FIRRM: variants seen among roughly 807,000 people sequenced by gnomAD.
FIRRM encodes FIGNL1 interacting regulator of recombination and mitosis, also known as FIGNL1-interacting regulator of recombination and mitosis.
At chr1:169,831,469 G>A in the FIRRM span, among the ~76,000 whole-genome samples, 3 of 152,256 alleles carry the variant, frequency 2.0e-5, no homozygotes, top group East Asian at 5.8e-4. Context: ...AGTGAGGTGT[G>A]TAATAACCTG....
the FIRRM span, chr1:169,794,712 G>T: frequency 4.4e-4 from 73 of 167,460 alleles, no homozygotes; most frequent in Non-Finnish European, 7.3e-4. Flanking sequence ...GCAAGGCTTG[G>T]AGTCACTTCC....
chr1:169,805,336 C>T, the FIRRM span, among the ~76,000 whole-genome samples: 2 of 152,224 alleles, frequency 1.3e-5, no homozygotes, highest in Non-Finnish European at 2.9e-5. Flanking sequence ...GGCAGAAGTA[C>T]TTGAGAAAGC....
chr1:169,812,858 A>C, the FIRRM span, among the ~76,000 whole-genome samples: 1 of 147,710 alleles, frequency 6.8e-6, no homozygotes, highest in Non-Finnish European at 1.5e-5. Context: ...CTCCATCTCA[A>C]AAAAAAAAAA....
the FIRRM span, chr1:169,795,711 G>T: frequency 1.0e-6 from 1 of 985,552 alleles, no homozygotes; most frequent in Non-Finnish European, 1.2e-6. Context: ...ATAGTTCTGT[G>T]GTGTGAAATC....
At chr1:169,853,881 A>G in the FIRRM span, 1 of 1,223,254 alleles carries the variant, frequency 8.2e-7, no homozygotes, top group Non-Finnish European at 1.2e-6. Context: ...GATGCCAGAA[A>G]CACTACCTCG....
chr1:169,853,830 T>TA, the FIRRM span: 4 of 1,585,672 alleles, frequency 2.5e-6, no homozygotes, highest in Non-Finnish European at 3.4e-6. Context: ...GCAAAAATCA[T>TA]ACGCAAATTT....
the FIRRM span, chr1:169,850,567 G>A: frequency 5.5e-5 from 22 of 401,594 alleles, no homozygotes; most frequent in African/African-American, 4.4e-4. Flanking sequence ...GGAGGCCAAG[G>A]TGGGTGGATC....
chr1:169,853,078 G>A, the FIRRM span: 9 of 1,255,384 alleles, frequency 7.2e-6, no homozygotes, highest in South Asian at 1.3e-5. Flanking sequence ...AACAAATTTT[G>A]TAAAGTTGAA....
the FIRRM span, among the ~76,000 whole-genome samples, chr1:169,800,576 CTTTT>C: frequency 6.6e-6 from 1 of 152,100 alleles, no homozygotes; most frequent in Non-Finnish European, 1.5e-5. Context: ...ATTTTGGAAA[CTTTT>C]TGTTTAACTA....
chr1:169,794,973 C>T, the FIRRM span: 3 of 713,096 alleles, frequency 4.2e-6, no homozygotes, highest in South Asian at 5.3e-5. Flanking sequence ...CCCGGGCTCA[C>T]CAAGAAACCA....
the FIRRM span, among the ~76,000 whole-genome samples, chr1:169,848,427 A>G: frequency 1.4e-4 from 21 of 152,226 alleles, 2 homozygotes; most frequent in Non-Finnish European, 7.4e-5. Flanking sequence ...TGACACTTCA[A>G]TCTCCAAGGG....
the FIRRM span, chr1:169,843,591 A>G: frequency 7.5e-6 from 6 of 799,876 alleles, no homozygotes; most frequent in Non-Finnish European, 1.3e-5. Flanking sequence ...TACCTGATAT[A>G]TAATAAATGC....
At chr1:169,791,841 GT>G in the FIRRM span, among the ~76,000 whole-genome samples, 3 of 152,204 alleles carry the variant, frequency 2.0e-5, no homozygotes, top group Non-Finnish European at 4.4e-5. Context: ...AATTCCCAAT[GT>G]GGTAACGTGA....
the FIRRM span, among the ~76,000 whole-genome samples, chr1:169,841,459 G>A: frequency 1.2e-4 from 19 of 152,262 alleles, no homozygotes; most frequent in Non-Finnish European, 2.4e-4. Flanking sequence ...GTGTGGTTGT[G>A]TAAGTATAAT....
the FIRRM span, among the ~76,000 whole-genome samples, chr1:169,840,335 C>T: frequency 0.066 from 10,117 of 152,146 alleles, 430 homozygotes; most frequent in Non-Finnish European, 0.099. Flanking sequence ...TTTAATGATA[C>T]TGACTCTTCC....
chr1:169,802,037 T>C, the FIRRM span, among the ~76,000 whole-genome samples: 2 of 152,246 alleles, frequency 1.3e-5, no homozygotes, highest in Admixed American at 6.5e-5. Flanking sequence ...GCTATTCTTA[T>C]AATGTTTAGG....
the FIRRM span, among the ~76,000 whole-genome samples, chr1:169,791,502 T>G: frequency 6.6e-6 from 1 of 152,172 alleles, no homozygotes; most frequent in African/African-American, 2.4e-5. Flanking sequence ...TTTTAAAGCC[T>G]TCAGATGCTG....
the FIRRM span, chr1:169,793,595 G>A: frequency 1.2e-6 from 2 of 1,614,066 alleles, no homozygotes; most frequent in Non-Finnish European, 1.7e-6. Context: ...TTCTGAGACT[G>A]ACAGCTCTTT....
At chr1:169,812,112 T>C in the FIRRM span, among the ~76,000 whole-genome samples, 2 of 152,150 alleles carry the variant, frequency 1.3e-5, no homozygotes, top group African/African-American at 4.8e-5. Context: ...TTTTTGAAAA[T>C]GTAAAAATAA....
Sources: gnomAD v4.1 joint callset for allele counts (sites outside exome capture counted in the v4.1 genomes callset) on GRCh38, gnomAD v4.1.1 for gene constraint, MANE v1.5 for transcripts, NCBI Gene and HGNC (gene_info 2026-07-23, HGNC 2026-07-21) for gene names.